Variants in MAST2 observed in about 807,000 individuals in gnomAD.
MAST2 encodes microtubule associated serine/threonine kinase 2.
MAST2 carries 70 observed loss-of-function variants against 147.4 expected under a neutral mutation model. That is an observed-to-expected ratio of 0.47 (90% CI 0.39 to 0.58). The LOEUF (loss-of-function observed/expected upper bound fraction) is 0.58, where lower values mean the gene tolerates loss of function less well. MAST2 is among the 20% of genes least tolerant of loss of function. MAST2 has a pLI of 0.00. For missense variants in MAST2, 2,080 were observed against 2,302.3 expected (o/e 0.90, Z 1.98); for synonymous variants, 869 against 896.8 (o/e 0.97, Z 0.55).
intron 5 of MAST2, 78 bp downstream of exon 5, chr1:45,959,555 G>A: frequency 1.7e-6 from 2 of 1,162,716 alleles, no homozygotes; most frequent in South Asian, 2.7e-5. Flanking sequence ...TTCTCATGTT[G>A]TGCAGTTCCG....
rs1275083740 is a variant in MAST2 at position 45,972,883 on chromosome 1, A to C, written c.592+13406A>C. On this transcript the variant is annotated intron_variant, in intron 5 of 28. Transcript: ENST00000361297. ...CATAGGGGAAGAGGGAGAGCTTAGA[A>C]CACTGATTATCTGCAGACTACTCAA... Among the ~76,000 whole-genome samples the C allele has an allele frequency of 3.3e-5, 5 of 152,294 alleles. No individual in the cohort carries two copies. The East Asian group carries it at 7.7e-4, about 24-fold the overall frequency.
chr1:45,923,159 C>A (rs1355024580), intron 4 of MAST2, among the ~76,000 whole-genome samples: 2 of 152,202 alleles, frequency 1.3e-5, no homozygotes, highest in East Asian at 1.9e-4. Context: ...TTCTCTCCCA[C>A]TGGCGGACGG....
intron 1 of MAST2, among the ~76,000 whole-genome samples, chr1:45,809,573 A>C (rs759989540): frequency 1.2e-4 from 19 of 152,178 alleles, no homozygotes; most frequent in Admixed American, 2.0e-4. Flanking sequence ...TTGAGGCTGC[A>C]GTGAGCCAAG....
intron 3 of MAST2, among the ~76,000 whole-genome samples, chr1:45,831,246 C>T (rs1480069790): frequency 6.6e-6 from 1 of 152,076 alleles, no homozygotes; most frequent in African/African-American, 2.4e-5. Flanking sequence ...GTCTAGGCAC[C>T]TACTAATTTG....
intron 5 of MAST2, among the ~76,000 whole-genome samples, chr1:45,960,528 G>GAAAA (rs1292291375): frequency 6.6e-6 from 1 of 152,112 alleles, no homozygotes; most frequent in Non-Finnish European, 1.5e-5. Context: ...GAAAAGAAAA[G>GAAAA]AAATACGAGG....
chr1:45,984,235 A>C (rs1165501429), intron 5 of MAST2, among the ~76,000 whole-genome samples: 1 of 152,170 alleles, frequency 6.6e-6, no homozygotes, highest in African/African-American at 2.4e-5. Flanking sequence ...TAATAAATAC[A>C]GCCAACAATG....
In MAST2 at chr1:46,032,858, G is replaced by C. The variant is rs759922556; in HGVS notation, c.3537+140G>C. On this transcript the variant is annotated intron_variant, in intron 26 of 28. Coordinates refer to ENST00000361297, the MANE Select transcript of MAST2 (RefSeq NM_015112.3). ...ATGTAGGTACACACAGGCCGGGCGCGGTGGCTCATGCCTGTAAATCCCAAC... is the reference window on the plus strand; with the variant it reads ...ATGTAGGTACACACAGGCCGGGCGCCGTGGCTCATGCCTGTAAATCCCAAC... 7 of 1,147,726 alleles carry C rather than the reference G, an allele frequency of 6.1e-6. No homozygotes were observed. In the South Asian group the frequency reaches 1.1e-4, roughly 18 times the overall value. The allele number at this position is 1,147,726 out of a possible 1,614,324, so 71.1% of individuals were successfully genotyped here. A position where few individuals can be genotyped will look rare whatever the true frequency, so the allele number is the denominator to read the frequency against.
At chr1:45,876,157 C>T (rs1345780639) in intron 3 of MAST2, among the ~76,000 whole-genome samples, 1 of 152,100 alleles carries the variant, frequency 6.6e-6, no homozygotes, top group East Asian at 1.9e-4. Flanking sequence ...GCTTCATTAC[C>T]CTGGCGTTAT....
intron 3 of MAST2, among the ~76,000 whole-genome samples, chr1:45,844,254 G>A (rs560983704): frequency 1.3e-5 from 2 of 151,812 alleles, no homozygotes; most frequent in South Asian, 2.1e-4. Context: ...CATGGGCCAC[G>A]ATGCCTGGCT....
chr1:46,008,076 T>A (rs996040072), intron 8 of MAST2, among the ~76,000 whole-genome samples: 1 of 152,084 alleles, frequency 6.6e-6, no homozygotes, highest in African/African-American at 2.4e-5. Context: ...GAAGAGGTCT[T>A]TGTGAAAACC....
chr1:45,858,989 A>C (rs1645889216), intron 3 of MAST2, among the ~76,000 whole-genome samples: 1 of 152,162 alleles, frequency 6.6e-6, no homozygotes, highest in Admixed American at 6.5e-5. Flanking sequence ...TGGTACCAGT[A>C]CCATGCTGTT....
At chr1:45,872,335 A>G (rs1646428740) in intron 3 of MAST2, among the ~76,000 whole-genome samples, 1 of 152,034 alleles carries the variant, frequency 6.6e-6, no homozygotes, top group South Asian at 2.1e-4. Context: ...TGGCTTGCAT[A>G]TTTACTTGTG....
At chr1:45,972,773 T>G (rs772817204) in intron 5 of MAST2, among the ~76,000 whole-genome samples, 1 of 152,224 alleles carries the variant, frequency 6.6e-6, no homozygotes, top group African/African-American at 2.4e-5. Context: ...CCAGTGTACC[T>G]TTTGGAATTC....
chr1:45,932,348 C>T (rs1404962478), intron 4 of MAST2, among the ~76,000 whole-genome samples: 1 of 152,148 alleles, frequency 6.6e-6, no homozygotes, highest in East Asian at 1.9e-4. Flanking sequence ...TTCACCTCTC[C>T]CTATTCATTT....
chr1:45,978,049 C>G (rs935098472), intron 5 of MAST2, among the ~76,000 whole-genome samples: 2 of 151,630 alleles, frequency 1.3e-5, no homozygotes, highest in Non-Finnish European at 2.9e-5. Context: ...AACCCTATCT[C>G]TTATATTTAA....
chr1:45,879,757 A>G (rs908644769), intron 3 of MAST2, among the ~76,000 whole-genome samples: 7 of 152,130 alleles, frequency 4.6e-5, no homozygotes, highest in African/African-American at 1.7e-4. Flanking sequence ...ATACTTCACA[A>G]AGGAATATAT....
Position 46,031,324 on chromosome 1 carries a change from T to A in MAST2, c.2992+34T>A, listed in dbSNP as rs373953711. 2 of 1,557,352 alleles carry A rather than the reference T, an allele frequency of 1.3e-6. No individual in the cohort carries two copies. Among genetic ancestry groups the A allele is most frequent in the East Asian group, 2.3e-5 (1 of 44,208 alleles). The stretch of plus-strand genomic sequence containing the variant: ...CAGTGGGCGGCCAAACGACCTAAGC[T>A]GGAGGATACTGCAGGGCAGGGAGGC... On this transcript the variant is annotated intron_variant, in intron 23 of 28. Coordinates refer to ENST00000361297, the MANE Select transcript of MAST2 (RefSeq NM_015112.3). This position sits in a 1 kb window ranked among gnomAD's most constrained non-coding sequence, Gnocchi z 4.1.
intron 3 of MAST2, among the ~76,000 whole-genome samples, chr1:45,850,659 T>A (rs530487830): frequency 6.6e-6 from 1 of 152,128 alleles, no homozygotes; most frequent in Non-Finnish European, 1.5e-5. Context: ...CCAGTTTCAT[T>A]CTTCTGCATG....
chr1:45,938,541 G>A, intron 4 of MAST2, among the ~76,000 whole-genome samples: 1 of 152,024 alleles, frequency 6.6e-6, no homozygotes, highest in East Asian at 1.9e-4. Flanking sequence ...TGCCTACACT[G>A]GTCTTGAACT....
Sources: allele counts gnomAD v4.1 joint callset (sites outside exome capture counted in the v4.1 genomes callset), GRCh38; gene constraint gnomAD v4.1.1; non-coding constraint Gnocchi (gnomAD v3.1); transcripts MANE v1.5; gene names NCBI Gene and HGNC (gene_info 2026-07-23, HGNC 2026-07-21).